Variants in TMEM273 observed in about 807,000 individuals in gnomAD.
The protein encoded by TMEM273 is chromosome 10 open reading frame 128.
TMEM273 carries 19 observed loss-of-function variants against 17.9 expected under a neutral mutation model. The observed-to-expected ratio is 1.06, with a 90% CI of 0.74 to 1.55. TMEM273 has a LOEUF of 1.55. Among genes scored for constraint, TMEM273 ranks in the 40% most tolerant of loss-of-function variants. The probability of loss-of-function intolerance (pLI) is 0.00; values close to 1 mark genes in which losing one functional copy is unlikely to be tolerated. For missense variants in TMEM273, 194 were observed against 155.6 expected (o/e 1.25, Z -1.31); for synonymous variants, 66 against 62.0 (o/e 1.07, Z -0.31).
At chr10:49,172,553 GCC>G (rs1846647402) in intron 1 of TMEM273, among the ~76,000 whole-genome samples, 1 of 152,212 alleles carries the variant, frequency 6.6e-6, no homozygotes, top group African/African-American at 2.4e-5. Context: ...CCACCTTCGA[GCC>G]TCTCTGTGGG....
At chr10:49,184,778 G>A (rs1847565085) in intron 1 of TMEM273, among the ~76,000 whole-genome samples, 1 of 152,248 alleles carries the variant, frequency 6.6e-6, no homozygotes, top group South Asian at 2.1e-4. Context: ...CTGCAGGTGG[G>A]TTCCAGGAGG....
rs375857671 is a variant in TMEM273 at position 49,188,279 on chromosome 10, G to A, written c.43+15C>T. ...AGGCTCCCCCGGGCCAGAGACCCCCGCAGTCCCCACTTACCCAGGAGGAAG... is the reference window on the plus strand; with the variant it reads ...AGGCTCCCCCGGGCCAGAGACCCCCACAGTCCCCACTTACCCAGGAGGAAG... On this transcript the variant is annotated intron_variant, in intron 1 of 6. Transcript: ENST00000374153. The A allele has an allele frequency of 3.2e-5, 51 of 1,613,854 alleles. 1 individual carries two copies. Among genetic ancestry groups the A allele is most frequent in the South Asian group, 2.3e-4 (21 of 91,070 alleles).
In TMEM273 at chr10:49,154,885, C is replaced by T. The variant is rs12198; in HGVS notation, c.*1007G>A. On this transcript the variant is annotated 3_prime_UTR_variant, in exon 7 of 7. Transcript: ENST00000374153. ...AGACGCCCTGGGAGTCCAGGCAAATCATGACAACACAGCACTTTGTTCTGA... is the reference window on the plus strand; with the variant it reads ...AGACGCCCTGGGAGTCCAGGCAAATTATGACAACACAGCACTTTGTTCTGA... The T allele has an allele frequency of 0.6, 91,115 of 152,000 alleles. 27,551 individuals are homozygous for T. Among genetic ancestry groups the T allele is most frequent in the South Asian group, 0.71 (3,400 of 4,814 alleles). 9.4% of individuals were successfully genotyped at this position (152,000 alleles called of 1,614,324 possible). A position where few individuals can be genotyped will look rare whatever the true frequency, so the allele number is the denominator to read the frequency against.
At chr10:49,156,612 A>AATTGTGTATGACTTTCC (rs1309630778) in intron 6 of TMEM273, among the ~76,000 whole-genome samples, 19 of 152,330 alleles carry the variant, frequency 1.2e-4, no homozygotes, top group African/African-American at 4.6e-4. Context: ...AATGATGCAA[A>AATTGTGTATGACTTTCC]ATTGTGTATG....
intron 1 of TMEM273, among the ~76,000 whole-genome samples, chr10:49,168,473 C>A (rs141037064): frequency 6.6e-6 from 1 of 152,102 alleles, no homozygotes; most frequent in Non-Finnish European, 1.5e-5. Flanking sequence ...CCATAACTGA[C>A]CATGTCAATA....
At chr10:49,156,261 T>C in intron 6 of TMEM273, 1 of 1,345,958 alleles carries the variant, frequency 7.4e-7, no homozygotes, top group Non-Finnish European at 9.8e-7. Context: ...GGCCAGATGC[T>C]ACGAGGAACA....
intron 1 of TMEM273, among the ~76,000 whole-genome samples, chr10:49,179,919 G>A (rs773027351): frequency 1.3e-5 from 2 of 152,174 alleles, no homozygotes; most frequent in Non-Finnish European, 2.9e-5. Context: ...CTCACCCCAA[G>A]CCCCACCCTC....
rs935763643 is a variant in TMEM273, at chr10:49,154,768, A to G, written c.*1124T>C. 3 of 152,186 alleles carry G rather than the reference A, an allele frequency of 2.0e-5. No homozygotes were observed. The highest frequency in any genetic ancestry group is 4.8e-5 in the African/African-American group (2 of 41,456). 9.4% of individuals were successfully genotyped at this position (152,186 alleles called of 1,614,324 possible). A position where few individuals can be genotyped will look rare whatever the true frequency, so the allele number is the denominator to read the frequency against. ...CAAGATGGTTTATTTTATCCTACAC[A>G]CAGAAAATTGCTTATGAGTATCACA... is the stretch of plus-strand genomic sequence containing the variant. On this transcript the variant is annotated 3_prime_UTR_variant, in exon 7 of 7. Transcript: ENST00000374153.
intron 5 of TMEM273, among the ~76,000 whole-genome samples, chr10:49,162,335 T>C (rs1845896848): frequency 6.6e-6 from 1 of 151,980 alleles, no homozygotes; most frequent in Admixed American, 6.6e-5. Context: ...CACACACACA[T>C]ATAGACAGGC....
chr10:49,175,590 G>T (rs981082759), intron 1 of TMEM273, among the ~76,000 whole-genome samples: 2 of 152,240 alleles, frequency 1.3e-5, no homozygotes, highest in Non-Finnish European at 2.9e-5. Context: ...CACACAGTGG[G>T]ATTAAAACAC....
chr10:49,170,975 A>T (rs1036386078), intron 1 of TMEM273, among the ~76,000 whole-genome samples: 1 of 152,234 alleles, frequency 6.6e-6, no homozygotes, highest in African/African-American at 2.4e-5. Flanking sequence ...CTGCTTGGAC[A>T]TCACAGCCAG....
intron 1 of TMEM273, among the ~76,000 whole-genome samples, chr10:49,171,914 G>A (rs1244441489): frequency 4.6e-5 from 7 of 152,208 alleles, no homozygotes; most frequent in Admixed American, 4.6e-4. Context: ...CTTGATGGGG[G>A]ACTGGCACTC....
intron 1 of TMEM273, among the ~76,000 whole-genome samples, chr10:49,176,296 G>A (rs1846962557): frequency 6.6e-6 from 1 of 152,228 alleles, no homozygotes; most frequent in South Asian, 2.1e-4. Flanking sequence ...AAGGTGCTCA[G>A]GTCAGAAAAG....
chr10:49,173,861 AGGGGGGGC>A (rs1846753812), intron 1 of TMEM273, among the ~76,000 whole-genome samples: 1 of 152,044 alleles, frequency 6.6e-6, no homozygotes, highest in Admixed American at 6.5e-5. Context: ...CAGAGAGACA[AGGGGGGGC>A]GATAGCGTTT....
intron 1 of TMEM273, among the ~76,000 whole-genome samples, chr10:49,175,214 A>G (rs1846871780): frequency 6.6e-6 from 1 of 152,152 alleles, no homozygotes; most frequent in Admixed American, 6.5e-5. Flanking sequence ...AGCTGGGGAT[A>G]CTGGCATAAG....
At chr10:49,156,643 A>G (rs545910531) in intron 6 of TMEM273, among the ~76,000 whole-genome samples, 1 of 152,350 alleles carries the variant, frequency 6.6e-6, no homozygotes, top group African/African-American at 2.4e-5. Flanking sequence ...GTGTATATTC[A>G]GTCACAGTCT....
chr10:49,170,112 C>T (rs561569234), intron 1 of TMEM273, among the ~76,000 whole-genome samples: 2 of 152,280 alleles, frequency 1.3e-5, no homozygotes, highest in South Asian at 2.1e-4. Flanking sequence ...AGATGAAATC[C>T]GAGCAGAGAG....
intron 5 of TMEM273, among the ~76,000 whole-genome samples, chr10:49,163,417 G>T (rs555215233): frequency 6.6e-6 from 1 of 152,048 alleles, no homozygotes. Context: ...CTGGTTACAT[G>T]CCCTAGATGC....
intron 1 of TMEM273, among the ~76,000 whole-genome samples, chr10:49,186,332 G>A (rs974088343): frequency 1.6e-4 from 24 of 152,154 alleles, no homozygotes; most frequent in Admixed American, 2.0e-4. Flanking sequence ...GGTTCCCACC[G>A]TGGTTTCGGC....
Sources: allele counts gnomAD v4.1 joint callset (sites outside exome capture counted in the v4.1 genomes callset), GRCh38; gene constraint gnomAD v4.1.1; transcripts MANE v1.5; gene names NCBI Gene and HGNC (gene_info 2026-07-23, HGNC 2026-07-21).